WDFY4: variants seen among roughly 807,000 people sequenced by gnomAD.
WDFY4 encodes WD repeat- and FYVE domain-containing protein 4.
A neutral mutation model predicts 351.9 loss-of-function variants in WDFY4; 169 were observed. The ratio of observed to expected loss-of-function variants is 0.48; its 90% CI spans 0.42 to 0.55. The LOEUF is 0.55. WDFY4 is among the 20% of genes least tolerant of loss of function. The pLI is 0.00. For synonymous variants in WDFY4, 1,622 were observed against 1,574.6 expected (o/e 1.03, Z -0.71); for missense variants, 3,803 against 3,935.6 (o/e 0.97, Z 0.90).
At chr10:48,850,635 C>T (rs1347113484) in intron 39 of WDFY4, among the ~76,000 whole-genome samples, 1 of 152,176 alleles carries the variant, frequency 6.6e-6, no homozygotes, top group Non-Finnish European at 1.5e-5. Context: ...GTCTAACTGG[C>T]CTAAAATTGC....
intron 47 of WDFY4, among the ~76,000 whole-genome samples, chr10:48,938,389 G>A (rs1840531274): frequency 6.6e-6 from 1 of 152,370 alleles, no homozygotes; most frequent in African/African-American, 2.4e-5. Flanking sequence ...AGAGGGTGCA[G>A]CCTTTAGCCA....
chr10:48,883,407 T>C (rs2070333129), intron 43 of WDFY4, among the ~76,000 whole-genome samples: 1 of 152,068 alleles, frequency 6.6e-6, no homozygotes, highest in Non-Finnish European at 1.5e-5. Context: ...TGTGTGTGTG[T>C]GTTACTCTCT....
intron 32 of WDFY4, 85 bp downstream of exon 32, chr10:48,817,494 C>T (rs1186136665): frequency 1.4e-6 from 2 of 1,403,934 alleles, no homozygotes; most frequent in Non-Finnish European, 1.9e-6. Flanking sequence ...CCCTCCCCTC[C>T]CCCCTAAAAT....
intron 39 of WDFY4, among the ~76,000 whole-genome samples, chr10:48,843,279 G>A (rs1270786414): frequency 6.6e-6 from 1 of 152,116 alleles, no homozygotes; most frequent in Non-Finnish European, 1.5e-5. Flanking sequence ...ACAAAGCCAG[G>A]CTGTGTTTAT....
At chr10:48,821,270 G>A (rs953040864) in intron 34 of WDFY4, 94 bp downstream of exon 34, 2 of 982,948 alleles carry the variant, frequency 2.0e-6, no homozygotes, top group Non-Finnish European at 1.6e-6. Flanking sequence ...GACCCTAGCT[G>A]TGGGATGCTG....
chr10:48,802,311 G>A (rs1181233884), intron 24 of WDFY4, among the ~76,000 whole-genome samples: 1 of 152,192 alleles, frequency 6.6e-6, no homozygotes, highest in East Asian at 1.9e-4. Context: ...AGGAAGTCAA[G>A]GCTGCAGTGA....
intron 13 of WDFY4, among the ~76,000 whole-genome samples, chr10:48,761,352 A>T (rs996968908): frequency 5.9e-5 from 9 of 152,164 alleles, no homozygotes; most frequent in Admixed American, 2.6e-4. Flanking sequence ...AAAACATTAC[A>T]TTGGCTGCTT....
chr10:48,761,352 A>G (rs996968908), intron 13 of WDFY4, among the ~76,000 whole-genome samples: 1 of 152,164 alleles, frequency 6.6e-6, no homozygotes, highest in Non-Finnish European at 1.5e-5. Flanking sequence ...AAAACATTAC[A>G]TTGGCTGCTT....
chr10:48,940,159 C>G (rs913709179), intron 47 of WDFY4, among the ~76,000 whole-genome samples: 1 of 152,260 alleles, frequency 6.6e-6, no homozygotes, highest in Non-Finnish European at 1.5e-5. Flanking sequence ...AGCCTGGGCT[C>G]TGCCCTTGCC....
intron 43 of WDFY4, among the ~76,000 whole-genome samples, chr10:48,888,091 A>T (rs532548456): frequency 3.7e-4 from 57 of 152,368 alleles, no homozygotes; most frequent in African/African-American, 1.3e-3. Flanking sequence ...ATGTATAAAC[A>T]TGCTAATGTA....
intron 47 of WDFY4, among the ~76,000 whole-genome samples, chr10:48,932,025 A>G (rs1840043452): frequency 6.6e-6 from 1 of 152,210 alleles, no homozygotes; most frequent in African/African-American, 2.4e-5. Flanking sequence ...GCTGTGAGGC[A>G]AATAGAAGTG....
chr10:48,816,836 A>T (rs1444192385), intron 31 of WDFY4, among the ~76,000 whole-genome samples: 2 of 152,242 alleles, frequency 1.3e-5, no homozygotes, highest in African/African-American at 4.8e-5. Flanking sequence ...CAGACTTCTA[A>T]GATCTAACAT....
chr10:48,819,777 G>A (rs1473579194), intron 32 of WDFY4, among the ~76,000 whole-genome samples: 2 of 152,194 alleles, frequency 1.3e-5, no homozygotes, highest in African/African-American at 4.8e-5. Flanking sequence ...TGGGCAGGAG[G>A]TAGAGGTGGG....
At chr10:48,788,912 C>A (rs2066585613) in intron 21 of WDFY4, among the ~76,000 whole-genome samples, 1 of 152,166 alleles carries the variant, frequency 6.6e-6, no homozygotes, top group Admixed American at 6.5e-5. Flanking sequence ...AATAAAAGAA[C>A]AAGAACAAAT....
chr10:48,751,957 C>A (rs2065197088), intron 12 of WDFY4, among the ~76,000 whole-genome samples: 1 of 152,144 alleles, frequency 6.6e-6, no homozygotes, highest in African/African-American at 2.4e-5. Context: ...AAAATTTGGC[C>A]AAGCACGCCT....
chr10:48,903,791 T>G (rs907872283), intron 47 of WDFY4, among the ~76,000 whole-genome samples: 1 of 152,182 alleles, frequency 6.6e-6, no homozygotes, highest in Non-Finnish European at 1.5e-5. Flanking sequence ...AGAGAGAGGT[T>G]CAAGTGAGAC....
intron 47 of WDFY4, among the ~76,000 whole-genome samples, chr10:48,928,484 G>A (rs1476768400): frequency 6.6e-6 from 1 of 151,872 alleles, no homozygotes; most frequent in Non-Finnish European, 1.5e-5. Context: ...TGCCAGCCCA[G>A]TAGAAACCCT....
At chr10:48,823,551 C>A in intron 35 of WDFY4, 1 of 1,076,120 alleles carries the variant, frequency 9.3e-7, no homozygotes, top group Non-Finnish European at 1.1e-6. Flanking sequence ...TCCAAGCAAA[C>A]CTGGAAAGAC....
intron 60 of WDFY4, among the ~76,000 whole-genome samples, chr10:48,980,456 G>A (rs888038334): frequency 6.6e-6 from 1 of 152,140 alleles, no homozygotes; most frequent in African/African-American, 2.4e-5. Context: ...TGCATTTGTG[G>A]GCAGATGTAA....
Sources: allele counts gnomAD v4.1 joint callset (sites outside exome capture counted in the v4.1 genomes callset), GRCh38; gene constraint gnomAD v4.1.1; transcripts MANE v1.5; gene names NCBI Gene and HGNC (gene_info 2026-07-23, HGNC 2026-07-21).